IL2RA: variants seen among roughly 807,000 people sequenced by gnomAD.
IL2RA encodes the protein interleukin-2 receptor subunit alpha.
A neutral mutation model predicts 37.8 loss-of-function variants in IL2RA; 24 were observed. The ratio of observed to expected loss-of-function variants is 0.63; its 90% CI spans 0.46 to 0.89. The LOEUF (loss-of-function observed/expected upper bound fraction) is 0.89. Ranked by LOEUF, IL2RA falls within the 40% of genes least tolerant of loss-of-function variation. IL2RA has a pLI of 0.00. For missense variants in IL2RA, 319 were observed against 348.6 expected, an observed-to-expected ratio of 0.92 and a Z score of 0.68; for synonymous variants, 125 against 114.6, an observed-to-expected ratio of 1.09 and a Z score of -0.58.
rs774872679 is a variant in IL2RA, at chr10:6,022,514, C to T, written c.368-821G>A. On this transcript the variant is annotated intron_variant, in intron 3 of 7. Transcript: ENST00000379959. The surrounding 1 kb of genome is among the most constrained non-coding windows in gnomAD (Gnocchi z 4.7). ...TAACCCCAGCCTGTGAAACTGCGCA[C>T]GTGCTCTGAACTTCCAGACTCTCCC... is the stretch of plus-strand genomic sequence containing the variant. 5.9e-5 allele frequency among the ~76,000 whole-genome samples: 9 copies of T among 152,184 alleles called. No homozygotes were observed. The highest frequency in any genetic ancestry group is 8.8e-5 in the Non-Finnish European group (6 of 68,030).
chr10:6,028,386 T>C lies in IL2RA; in HGVS notation c.65-2361A>G, dbSNP rs1261571506. 1.3e-5 allele frequency among the ~76,000 whole-genome samples: 2 copies of C among 152,210 alleles called. No homozygotes were observed. The highest frequency in any genetic ancestry group is 2.4e-5 in the African/African-American group (1 of 41,452). ...GAAGAGTTATGCTAAGTTTTATTTA[T>C]AAAAACAGGTGTCTGAGCTGTGGGT... is the stretch of plus-strand genomic sequence containing the variant. On this transcript the variant is annotated intron_variant, in intron 1 of 7. Transcript: ENST00000379959. The surrounding 1 kb of genome is among the most constrained non-coding windows in gnomAD (Gnocchi z 4.1).
At chr10:6,040,661 C>T (rs1338029332) in intron 1 of IL2RA, among the ~76,000 whole-genome samples, 1 of 152,156 alleles carries the variant, frequency 6.6e-6, no homozygotes, top group African/African-American at 2.4e-5. Context: ...CCTACCTTTT[C>T]TTCCCCAAAG....
chr10:6,012,212 A>T lies in IL2RA; in HGVS notation c.*660T>A, dbSNP rs916642780. ...GGCTGCCCCGTTTTGAAGTTACCCA[A>T]AGATTATTCTGCCATGGCCTCTGTT... is the stretch of plus-strand genomic sequence containing the variant. On this transcript the variant is annotated 3_prime_UTR_variant, in exon 8 of 8. Coordinates refer to ENST00000379959, the MANE Select transcript of IL2RA (RefSeq NM_000417.3). This position sits in a 1 kb window ranked among gnomAD's most constrained non-coding sequence, Gnocchi z 4.8. The T allele has an allele frequency of 1.3e-5, 2 of 152,776 alleles. No homozygotes were observed. Among genetic ancestry groups the T allele is most frequent in the Non-Finnish European group, 2.9e-5 (2 of 68,406 alleles). The allele number at this position is 152,776 out of a possible 1,614,324, so 9.5% of individuals were successfully genotyped here.
chr10:6,013,274 G>A (rs917706107), intron 7 of IL2RA, among the ~76,000 whole-genome samples: 2 of 152,222 alleles, frequency 1.3e-5, no homozygotes, highest in Non-Finnish European at 2.9e-5. Context: ...ATCTTTTGCA[G>A]TTGTGCTGTC....
chr10:6,045,197 G>A (rs1272444472), intron 1 of IL2RA, among the ~76,000 whole-genome samples: 1 of 152,202 alleles, frequency 6.6e-6, no homozygotes, highest in Non-Finnish European at 1.5e-5. Flanking sequence ...CACAGTTTCT[G>A]AGGCCTGGTT....
chr10:6,034,866 A>T (rs1839655666), intron 1 of IL2RA, among the ~76,000 whole-genome samples: 1 of 152,238 alleles, frequency 6.6e-6, no homozygotes, highest in South Asian at 2.1e-4. Flanking sequence ...CTTGGGAGGC[A>T]GACAGAATTT....
At chr10:6,062,057 C>T (rs759800570) in intron 1 of IL2RA, 31 bp downstream of exon 1, 10 of 1,599,044 alleles carry the variant, frequency 6.3e-6, no homozygotes, top group East Asian at 4.5e-5. Context: ...TCAGCCTTCC[C>T]GGAATTCCGG....
intron 1 of IL2RA, among the ~76,000 whole-genome samples, chr10:6,051,817 C>CTATATGTATATATATATATATA (rs1839964164): frequency 1.2e-4 from 4 of 33,684 alleles, no homozygotes; most frequent in African/African-American, 3.7e-4. Flanking sequence ...TCATGCCCAG[C>CTATATGTATATATATATATATA]TATATATATA....
Position 6,016,516 on chromosome 10 carries a change from G to A in IL2RA, c.794+1537C>T, listed in dbSNP as rs959788953. On this transcript the variant is annotated intron_variant, in intron 7 of 7. Transcript: ENST00000379959. Reference sequence around the variant, plus strand: ...ATCTCAATTAAAAATACGTACTGATGTCTTGGGCTCACCCCAGACATTCTG... The same window carrying A: ...ATCTCAATTAAAAATACGTACTGATATCTTGGGCTCACCCCAGACATTCTG... Among the ~76,000 whole-genome samples the A allele has an allele frequency of 1.4e-3, 69 of 49,788 alleles. 2 individuals carry two copies. Among genetic ancestry groups the A allele is most frequent in the Non-Finnish European group, 3.9e-4 (9 of 22,978 alleles). The allele number at this position is 49,788 out of a possible 152,430, so 32.7% of individuals were successfully genotyped here.
chr10:6,047,017 A>G lies in IL2RA; in HGVS notation c.64+15071T>C, dbSNP rs1332102727. On this transcript the variant is annotated intron_variant, in intron 1 of 7. Coordinates refer to ENST00000379959, the MANE Select transcript of IL2RA (RefSeq NM_000417.3). This position sits in a 1 kb window ranked among gnomAD's most constrained non-coding sequence, Gnocchi z 5.0. ...CCTGCTTTTTACTCGGGTGTGGGACAAGTAGTTATGAAGCCACAGAATGTT... is the reference window on the plus strand; with the variant it reads ...CCTGCTTTTTACTCGGGTGTGGGACGAGTAGTTATGAAGCCACAGAATGTT... Among the ~76,000 whole-genome samples, 1 of 152,202 alleles carries G rather than the reference A, an allele frequency of 6.6e-6. No individual in the cohort carries two copies.
In IL2RA at chr10:6,054,553, G is replaced by A. The variant is rs1840013056; in HGVS notation, c.64+7535C>T. 6.6e-6 allele frequency among the ~76,000 whole-genome samples: 1 copy of A among 152,120 alleles called. No homozygotes were observed. The highest frequency in any genetic ancestry group is 1.5e-5 in the Non-Finnish European group (1 of 68,024). ...TTGGCACACACACACAAAACTTCAT[G>A]TATGTTGAAATATGGCTCATTATGT... On this transcript the variant is annotated intron_variant, in intron 1 of 7. Transcript: ENST00000379959. This position sits in a 1 kb window ranked among gnomAD's most constrained non-coding sequence, Gnocchi z 4.5.
chr10:6,025,424 G>A lies in IL2RA; in HGVS notation c.256+410C>T, dbSNP rs1324292003. Among the ~76,000 whole-genome samples the A allele has an allele frequency of 6.6e-6, 1 of 151,492 alleles. No homozygotes were observed. Among genetic ancestry groups the A allele is most frequent in the Non-Finnish European group, 1.5e-5 (1 of 67,934 alleles). ...TAATCCCAGCATTTTGGGTGGCTGAGATGGGCAGATTACTCAAGGTCAGGA... is the reference window on the plus strand; with the variant it reads ...TAATCCCAGCATTTTGGGTGGCTGAAATGGGCAGATTACTCAAGGTCAGGA... On this transcript the variant is annotated intron_variant, in intron 2 of 7. Coordinates refer to ENST00000379959, the MANE Select transcript of IL2RA (RefSeq NM_000417.3). The surrounding 1 kb of genome is among the most constrained non-coding windows in gnomAD (Gnocchi z 4.4).
In IL2RA at chr10:6,020,578, G is replaced by A. The variant is rs920252883; in HGVS notation, c.584-637C>T. 6.6e-6 allele frequency among the ~76,000 whole-genome samples: 1 copy of A among 151,734 alleles called. No individual in the cohort carries two copies. Among genetic ancestry groups the A allele is most frequent in the Non-Finnish European group, 1.5e-5 (1 of 67,992 alleles). On this transcript the variant is annotated intron_variant, in intron 4 of 7. Coordinates refer to ENST00000379959, the MANE Select transcript of IL2RA (RefSeq NM_000417.3). The surrounding 1 kb of genome is among the most constrained non-coding windows in gnomAD (Gnocchi z 5.6). ...TGAGACGGAGTCTTGCTGTTGCCCA[G>A]GCTGGAGTGCAGTGGTGTGATCTCA...
intron 1 of IL2RA, among the ~76,000 whole-genome samples, chr10:6,042,277 C>A (rs199936937): frequency 6.7e-6 from 1 of 149,618 alleles, no homozygotes; most frequent in Non-Finnish European, 1.5e-5. Context: ...CCTACACAAT[C>A]ATTTTAATAG....
At chr10:6,024,549 A>G (rs1192506577) in intron 2 of IL2RA, among the ~76,000 whole-genome samples, 195 bp from the exon 3 acceptor site, 1 of 152,180 alleles carries the variant, frequency 6.6e-6, no homozygotes, top group Non-Finnish European at 1.5e-5. Flanking sequence ...TCAAGTGCAT[A>G]TGGCAATGCC....
At chr10:6,045,135 C>A (rs1163833817) in intron 1 of IL2RA, among the ~76,000 whole-genome samples, 1 of 152,186 alleles carries the variant, frequency 6.6e-6, no homozygotes, top group Non-Finnish European at 1.5e-5. Flanking sequence ...CACTTGGACA[C>A]ATCTCTGCAG....
rs1839636193 is a variant in IL2RA at position 6,033,626 on chromosome 10, A to G, written c.65-7601T>C. Among the ~76,000 whole-genome samples, 3 of 152,248 alleles carry G rather than the reference A, an allele frequency of 2.0e-5. No individual in the cohort carries two copies. Among genetic ancestry groups the G allele is most frequent in the African/African-American group, 7.2e-5 (3 of 41,464 alleles). ...ATTCAAAAATAAAAAATAATGAACT[A>G]TTGATACAGGCAATATTGATAAATC... is the stretch of plus-strand genomic sequence containing the variant. On this transcript the variant is annotated intron_variant, in intron 1 of 7. Transcript: ENST00000379959. The surrounding 1 kb of genome is among the most constrained non-coding windows in gnomAD (Gnocchi z 4.3).
chr10:6,022,530 A>G lies in IL2RA; in HGVS notation c.368-837T>C, dbSNP rs1050739464. Reference sequence around the variant, plus strand: ...AACTGCGCACGTGCTCTGAACTTCCAGACTCTCCCCAACCCTGCATACCCA... The same window carrying G: ...AACTGCGCACGTGCTCTGAACTTCCGGACTCTCCCCAACCCTGCATACCCA... On this transcript the variant is annotated intron_variant, in intron 3 of 7. Transcript: ENST00000379959. The surrounding 1 kb of genome is among the most constrained non-coding windows in gnomAD (Gnocchi z 4.7). Among the ~76,000 whole-genome samples the G allele has an allele frequency of 2.6e-5, 4 of 152,162 alleles. No homozygotes were observed. Among genetic ancestry groups the G allele is most frequent in the Non-Finnish European group, 5.9e-5 (4 of 68,024 alleles).
At chr10:6,051,319 C>A (rs993535171) in intron 1 of IL2RA, among the ~76,000 whole-genome samples, 1 of 151,912 alleles carries the variant, frequency 6.6e-6, no homozygotes, top group African/African-American at 2.4e-5. Context: ...GGGAAACTCT[C>A]GGGGCACCAG....
Sources: allele counts gnomAD v4.1 joint callset (sites outside exome capture counted in the v4.1 genomes callset), GRCh38; gene constraint gnomAD v4.1.1; non-coding constraint Gnocchi (gnomAD v3.1); transcripts MANE v1.5; gene names NCBI Gene and HGNC (gene_info 2026-07-23, HGNC 2026-07-21).